ANKRD30A: variants seen among roughly 807,000 people sequenced by gnomAD.
ANKRD30A encodes ankyrin repeat domain 30A.
A neutral mutation model predicts 166.3 loss-of-function variants in ANKRD30A; 170 were observed. The observed-to-expected ratio is 1.02, with a 90% CI of 0.90 to 1.16. The LOEUF (loss-of-function observed/expected upper bound fraction) is 1.16, where lower values mean the gene tolerates loss of function less well. Ranked by LOEUF, ANKRD30A falls within the 50% of genes most tolerant of loss-of-function variation. The probability of loss-of-function intolerance (pLI) is 0.00; values close to 1 mark genes in which losing one functional copy is unlikely to be tolerated. For missense variants in ANKRD30A, 1,630 were observed against 1,518.0 expected (o/e 1.07, Z -1.23); for synonymous variants, 564 against 508.9 (o/e 1.11, Z -1.46).
chr10:37,200,355 T>C (rs1841520921), intron 30 of ANKRD30A, among the ~76,000 whole-genome samples: 1 of 152,066 alleles, frequency 6.6e-6, no homozygotes, highest in African/African-American at 2.4e-5. Context: ...AGTAGTCTTT[T>C]GAAAAATATA....
At chr10:37,164,698 G>C (rs1839168765) in intron 17 of ANKRD30A, among the ~76,000 whole-genome samples, 1 of 152,050 alleles carries the variant, frequency 6.6e-6, no homozygotes, top group African/African-American at 2.4e-5. Context: ...AAGAGAGATT[G>C]CTGAGTCAAT....
At chr10:37,171,100 G>A (rs1472658661) in intron 21 of ANKRD30A, among the ~76,000 whole-genome samples, 11 of 87,398 alleles carry the variant, frequency 1.3e-4, no homozygotes, top group Middle Eastern at 5.1e-3. Context: ...CACCGTGCCC[G>A]GCCGATGTCT....
At chr10:37,232,169 T>C (rs1440372576) in intron 35 of ANKRD30A, among the ~76,000 whole-genome samples, 1 of 152,014 alleles carries the variant, frequency 6.6e-6, no homozygotes, top group Non-Finnish European at 1.5e-5. Context: ...ATAAATACAT[T>C]TATGAAGTAA....
rs1048744265 is a variant in ANKRD30A, at chr10:37,196,640, A to T, written c.2615-641A>T. Among the ~76,000 whole-genome samples, 15 of 152,166 alleles carry T rather than the reference A, an allele frequency of 9.9e-5. 1 individual carries two copies. The highest frequency in any genetic ancestry group is 3.6e-4 in the African/African-American group (15 of 41,442). ...AATAAATTTTTATAGAAATATGTCA[A>T]TATTGAAAGCTTAGTGTAGATTATT... On this transcript the variant is annotated intron_variant, in intron 27 of 35. Coordinates refer to ENST00000361713, the MANE Select transcript of ANKRD30A (RefSeq NM_052997.3).
chr10:37,208,478 A>G (rs754947752), intron 31 of ANKRD30A, among the ~76,000 whole-genome samples: 1 of 152,144 alleles, frequency 6.6e-6, no homozygotes, highest in Non-Finnish European at 1.5e-5. Flanking sequence ...ACCTGTGGTC[A>G]CCATTTGTTG....
the ANKRD30A span, among the ~76,000 whole-genome samples, chr10:37,253,194 C>T: frequency 6.6e-6 from 1 of 152,102 alleles, no homozygotes; most frequent in Non-Finnish European, 1.5e-5. Context: ...CTATCATAGC[C>T]ACTCTGACCC....
Position 37,155,296 on chromosome 10 carries a change from A to G in ANKRD30A, c.1798+1634A>G, listed in dbSNP as rs1008665579. ...TTCCTCCATGAGTGGATCAAGAAATATTGAGATGGCTAAGCTGGAAATTAC... is the reference window on the plus strand; with the variant it reads ...TTCCTCCATGAGTGGATCAAGAAATGTTGAGATGGCTAAGCTGGAAATTAC... On this transcript the variant is annotated intron_variant, in intron 13 of 35. Coordinates refer to ENST00000361713, the MANE Select transcript of ANKRD30A (RefSeq NM_052997.3). Among the ~76,000 whole-genome samples the G allele has an allele frequency of 4.6e-5, 7 of 152,316 alleles. No individual in the cohort carries two copies. The South Asian group carries it at 6.2e-4, about 14-fold the overall frequency.
At position 37,165,678 on chromosome 10, in the gene ANKRD30A, C is replaced by A. The variant is rs948021899; in HGVS notation, c.2064+523C>A. 1.0e-3 allele frequency among the ~76,000 whole-genome samples: 158 copies of A among 151,950 alleles called. 1 individual carries two copies. The highest frequency in any genetic ancestry group is 7.5e-4 in the Non-Finnish European group (51 of 67,992). On this transcript the variant is annotated intron_variant, in intron 18 of 35. Coordinates refer to ENST00000361713, the MANE Select transcript of ANKRD30A (RefSeq NM_052997.3). ...AAAGAAAAGCATGAGGAATAGGAAA[C>A]CTTGTGGGAGTATAATAACAAGAGT...
chr10:37,126,605 T>C (rs1399401712), intron 1 of ANKRD30A, among the ~76,000 whole-genome samples: 36 of 152,222 alleles, frequency 2.4e-4, no homozygotes, highest in Admixed American at 2.3e-3. Flanking sequence ...GAGTTCTTTA[T>C]CAGTTTTACA....
At chr10:37,197,168 A>G in intron 27 of ANKRD30A, 113 bp from the exon 28 acceptor site, 1 of 1,419,844 alleles carries the variant, frequency 7.0e-7, no homozygotes, top group Non-Finnish European at 9.9e-7. Context: ...AATCTAAAGT[A>G]TTCATTCTCC....
In ANKRD30A at chr10:37,219,011, T is replaced by C; in HGVS notation, c.3299T>C (p.Leu1100Pro). 1 of 1,590,700 alleles carries C rather than the reference T, an allele frequency of 6.3e-7. No individual in the cohort carries two copies. The highest frequency in any genetic ancestry group is 8.5e-7 in the Non-Finnish European group (1 of 1,171,684). The change falls in exon 34 of 36, where the codon CTC (leucine) becomes CCC (proline). Residue 1100 changes from leucine (L) to proline (P), a missense_variant. This residue lies in a region of ANKRD30A where 712 missense variants were observed against 629.3 expected (regional missense o/e 1.13). Transcript: ENST00000361713. ...VSHTHENENY[L>P]LHENCMLKKE... ...CACACTCATGAAAATGAAAATTATCTCTTACATGAAAATTGCATGTTGAAA... is the reference window on the plus strand; with the variant it reads ...CACACTCATGAAAATGAAAATTATCCCTTACATGAAAATTGCATGTTGAAA...
At chr10:37,141,404 C>G (rs1588768265) in intron 6 of ANKRD30A, among the ~76,000 whole-genome samples, 1 of 151,652 alleles carries the variant, frequency 6.6e-6, no homozygotes, top group Admixed American at 6.6e-5. Flanking sequence ...AAACCCGTCT[C>G]TACTAAATAT....
intron 24 of ANKRD30A, among the ~76,000 whole-genome samples, chr10:37,182,892 G>A (rs1452594299): frequency 3.0e-4 from 46 of 151,010 alleles, no homozygotes; most frequent in Middle Eastern, 3.4e-3. Flanking sequence ...CACCGTGCCC[G>A]GCCGATGTCT....
At chr10:37,232,697 T>TATATATATATATAGAGAG (rs1273812991), downstream of ANKRD30A, 1 of 78,400 alleles carries the variant, frequency 1.3e-5, no homozygotes, top group African/African-American at 4.9e-5. Flanking sequence ...TATATATAAA[T>TATATATATATATAGAGAG]AGAGAGAGAG....
intron 31 of ANKRD30A, among the ~76,000 whole-genome samples, chr10:37,204,451 T>G (rs1393395665): frequency 6.6e-6 from 1 of 152,040 alleles, no homozygotes; most frequent in African/African-American, 2.4e-5. Flanking sequence ...TCCTTACAAC[T>G]TATACAAAAA....
chr10:37,250,831 A>C, the ANKRD30A span, among the ~76,000 whole-genome samples: 1 of 152,336 alleles, frequency 6.6e-6, no homozygotes, highest in African/African-American at 2.4e-5. Flanking sequence ...CACATTGTTT[A>C]TAAACCATGC....
chr10:37,166,926 G>T (rs375750519), intron 19 of ANKRD30A, among the ~76,000 whole-genome samples: 1 of 152,044 alleles, frequency 6.6e-6, no homozygotes, highest in African/African-American at 2.4e-5. Context: ...ATTCCAAGAC[G>T]TGAGGAAAAT....
chr10:37,141,087 T>C (rs1274224496), intron 6 of ANKRD30A, among the ~76,000 whole-genome samples: 1 of 152,230 alleles, frequency 6.6e-6, no homozygotes, highest in African/African-American at 2.4e-5. Flanking sequence ...TATTATTTAC[T>C]ACTTTATTAA....
At chr10:37,139,531 T>C (rs371236306) in intron 6 of ANKRD30A, among the ~76,000 whole-genome samples, 1 of 152,266 alleles carries the variant, frequency 6.6e-6, no homozygotes, top group East Asian at 1.9e-4. Flanking sequence ...TACCTTCCTT[T>C]GTATCCACTT....
Sources: gnomAD v4.1 joint callset for allele counts (sites outside exome capture counted in the v4.1 genomes callset) on GRCh38, gnomAD v4.1.1 for gene constraint, gnomAD v4.1.1 regional missense constraint, MANE v1.5 for transcripts, NCBI Gene and HGNC (gene_info 2026-07-23, HGNC 2026-07-21) for gene names.